ITGA9: variants seen among roughly 807,000 people sequenced by gnomAD.
ITGA9 encodes the protein integrin subunit alpha 9.
Under a neutral mutation model 127.8 loss-of-function variants are expected in ITGA9, and 56 were observed. The ratio of observed to expected loss-of-function variants is 0.44; its 90% CI spans 0.35 to 0.55. The LOEUF (loss-of-function observed/expected upper bound fraction) is 0.55, where lower values mean the gene tolerates loss of function less well. Among genes scored for constraint, ITGA9 ranks in the 20% least tolerant of loss-of-function variants. ITGA9 has a pLI of 0.00. For synonymous variants in ITGA9, 508 were observed against 514.5 expected (o/e 0.99, Z 0.17); for missense variants, 1,196 against 1,347.1 (o/e 0.89, Z 1.76).
intron 25 of ITGA9, among the ~76,000 whole-genome samples, chr3:37,784,207 G>T (rs1046997624): frequency 6.6e-6 from 1 of 152,162 alleles, no homozygotes; most frequent in Non-Finnish European, 1.5e-5. Flanking sequence ...CTGGCTTGAG[G>T]TTCTGGCTTC....
intron 1 of ITGA9, among the ~76,000 whole-genome samples, chr3:37,458,653 C>A (rs1472258202): frequency 6.6e-6 from 1 of 152,326 alleles, no homozygotes; most frequent in South Asian, 2.1e-4. Flanking sequence ...GAGCCTGCCA[C>A]GCGTGAATCA....
chr3:37,499,761 A>G (rs267514), intron 5 of ITGA9, among the ~76,000 whole-genome samples: 120,130 of 152,070 alleles, frequency 0.79, 48,233 homozygotes, highest in African/African-American at 0.93. Context: ...CTGGGGGCGG[A>G]GTGGCGTGGT....
At chr3:37,522,059 TC>T (rs1025349510) in intron 11 of ITGA9, among the ~76,000 whole-genome samples, 1 of 151,454 alleles carries the variant, frequency 6.6e-6, no homozygotes, top group East Asian at 1.9e-4. Flanking sequence ...CTGTGAAAAC[TC>T]CCCCCTCCTT....
intron 26 of ITGA9, among the ~76,000 whole-genome samples, chr3:37,793,083 C>A (rs1697130719): frequency 6.6e-6 from 1 of 152,050 alleles, no homozygotes; most frequent in Admixed American, 6.6e-5. Flanking sequence ...TACTCTAAAT[C>A]AAAGTTTCCA....
intron 22 of ITGA9, among the ~76,000 whole-genome samples, chr3:37,744,691 G>T (rs577531852): frequency 1.3e-5 from 2 of 152,328 alleles, no homozygotes; most frequent in Admixed American, 1.3e-4. Flanking sequence ...GAGCCATGGG[G>T]TAATTTAGGC....
chr3:37,606,053 G>A (rs545640215), intron 15 of ITGA9, among the ~76,000 whole-genome samples: 3 of 152,304 alleles, frequency 2.0e-5, no homozygotes, highest in South Asian at 4.1e-4. Flanking sequence ...AGTGGTGCTC[G>A]CTAGTCCGGC....
chr3:37,498,361 T>C (rs1196950960), intron 5 of ITGA9, among the ~76,000 whole-genome samples: 1 of 152,102 alleles, frequency 6.6e-6, no homozygotes, highest in Non-Finnish European at 1.5e-5. Context: ...ACATCAGAAC[T>C]CAACGGAGAT....
chr3:37,501,181 A>G (rs868652636), intron 5 of ITGA9, among the ~76,000 whole-genome samples: 1 of 152,186 alleles, frequency 6.6e-6, no homozygotes, highest in Non-Finnish European at 1.5e-5. Context: ...GCAGTGTCGA[A>G]ACTTTAGAAA....
At chr3:37,596,552 C>T (rs1394851663) in intron 15 of ITGA9, among the ~76,000 whole-genome samples, 3 of 152,144 alleles carry the variant, frequency 2.0e-5, no homozygotes, top group Non-Finnish European at 2.9e-5. Flanking sequence ...TGTTGATGTA[C>T]AGCTTAAAGG....
rs74410382 is a variant in ITGA9, at chr3:37,732,252, C to T, written c.2068-460C>T. ...AGACTTGCTGGTGGACAGCCCAGCC[C>T]TCACTGCTTCAGGCTTTAGGAAGAA... On this transcript the variant is annotated intron_variant, in intron 18 of 27. Coordinates refer to ENST00000264741, the MANE Select transcript of ITGA9 (RefSeq NM_002207.3). Among the ~76,000 whole-genome samples, 1,407 of 152,252 alleles carry T rather than the reference C, an allele frequency of 9.2e-3. 6 individuals carry two copies. The highest frequency in any genetic ancestry group is 0.016 in the Non-Finnish European group (1,079 of 68,014).
At chr3:37,490,644 G>A (rs948420490) in intron 4 of ITGA9, among the ~76,000 whole-genome samples, 3 of 152,144 alleles carry the variant, frequency 2.0e-5, no homozygotes, top group African/African-American at 4.8e-5. Flanking sequence ...CCCGATTGGT[G>A]GTCTGCTTGA....
chr3:37,564,098 G>A (rs999850233), intron 15 of ITGA9, among the ~76,000 whole-genome samples: 21 of 152,188 alleles, frequency 1.4e-4, no homozygotes, highest in African/African-American at 5.1e-4. Flanking sequence ...AGAAGCCCAG[G>A]CACGCAAGGA....
chr3:37,677,579 T>C (rs1700695401), intron 17 of ITGA9, among the ~76,000 whole-genome samples: 1 of 152,248 alleles, frequency 6.6e-6, no homozygotes, highest in African/African-American at 2.4e-5. Context: ...TATAGCCAAG[T>C]ATGTTTCATA....
chr3:37,557,833 A>G (rs1699445881), intron 15 of ITGA9, among the ~76,000 whole-genome samples: 1 of 152,212 alleles, frequency 6.6e-6, no homozygotes, highest in Non-Finnish European at 1.5e-5. Context: ...ATCTCATTTT[A>G]CCATTGAGGG....
chr3:37,683,883 G>A lies in ITGA9; in HGVS notation c.1935G>A (p.Leu645=), dbSNP rs762524895. Residue 645 remains leucine (L), a synonymous_variant, in exon 18 of 28, where the codon CTG becomes CTA. Transcript: ENST00000264741. ...GTTACAGTATGGATGAGAAAACCCT[G>A]TATCTAGCTTTGGGGGCTGTGAAGA... The part of the protein sequence containing the change: ...LLLSSMDEKT[L]YLALGAVKNI... 1.9e-6 allele frequency: 3 copies of A among 1,614,080 alleles called. No homozygotes were observed. Among genetic ancestry groups the A allele is most frequent in the Middle Eastern group, 3.3e-4 (2 of 6,048 alleles).
chr3:37,513,365 C>T (rs1390026169), intron 8 of ITGA9, among the ~76,000 whole-genome samples: 2 of 152,156 alleles, frequency 1.3e-5, no homozygotes, highest in African/African-American at 2.4e-5. Flanking sequence ...GTATTTCACT[C>T]TTTGCTAGGC....
chr3:37,660,471 T>C (rs1336726139), intron 17 of ITGA9, among the ~76,000 whole-genome samples: 1 of 152,202 alleles, frequency 6.6e-6, no homozygotes, highest in East Asian at 1.9e-4. Context: ...CTCTATTGAA[T>C]TGTGCTTTTC....
At chr3:37,481,434 G>A (rs1698553683) in intron 3 of ITGA9, 50 bp from the exon 4 acceptor site, 1 of 1,613,406 alleles carries the variant, frequency 6.2e-7, no homozygotes, top group Admixed American at 1.7e-5. Flanking sequence ...TCTGCTTTGT[G>A]ATCTTTTGGG....
At position 37,819,251 on chromosome 3, in the gene ITGA9, G is replaced by A; in HGVS notation, c.*262G>A. 1.8e-6 allele frequency: 1 copy of A among 548,384 alleles called. No homozygotes were observed. The highest frequency in any genetic ancestry group is 3.3e-6 in the Non-Finnish European group (1 of 306,124). The allele number at this position is 548,384 out of a possible 1,614,324, so 34.0% of individuals were successfully genotyped here. ...ACAGAGCCGAGCAATATTTATGGAT[G>A]CAACACGCATGGTCAACCCTCAGGG... is the stretch of plus-strand genomic sequence containing the variant. On this transcript the variant is annotated 3_prime_UTR_variant, in exon 28 of 28. Transcript: ENST00000264741.
Sources: gnomAD v4.1 joint callset for allele counts (sites outside exome capture counted in the v4.1 genomes callset) on GRCh38, gnomAD v4.1.1 for gene constraint, MANE v1.5 for transcripts, NCBI Gene and HGNC (gene_info 2026-07-23, HGNC 2026-07-21) for gene names.